The following NIPA1 variants were observed in gnomAD, a reference collection of about 807,000 sequenced individuals.
NIPA1 encodes magnesium transporter NIPA1.
A neutral mutation model predicts 23.9 loss-of-function variants in NIPA1; 13 were observed. That is an observed-to-expected ratio of 0.54 (90% CI 0.35 to 0.87). The LOEUF (loss-of-function observed/expected upper bound fraction) is 0.87. Ranked by LOEUF, NIPA1 falls within the 40% of genes least tolerant of loss-of-function variation. The probability of loss-of-function intolerance (pLI) is 0.01; values close to 1 mark genes in which losing one functional copy is unlikely to be tolerated. For missense variants in NIPA1, 362 were observed against 429.7 expected (o/e 0.84, Z 1.39); for synonymous variants, 234 against 202.9 (o/e 1.15, Z -1.30).
rs1283787868 is a variant in NIPA1, at chr15:22,798,616, A to AGACG, written c.178+11784_178+11787dup. On this transcript the variant is annotated intron_variant, in intron 1 of 4. Transcript: ENST00000337435. ...GTAATCCCAGCACCTTGGGAGGCTG[A>AGACG]GACGGGTGGATCACGAGGTCAGGAG... 6.0e-5 allele frequency among the ~76,000 whole-genome samples: 9 copies of AGACG among 149,190 alleles called. No homozygotes were observed. In the East Asian group the frequency reaches 1.9e-3, roughly 31 times the overall value.
intron 1 of NIPA1, among the ~76,000 whole-genome samples, chr15:22,787,783 G>C (rs150104096): frequency 6.6e-6 from 1 of 152,188 alleles, no homozygotes; most frequent in Admixed American, 6.5e-5. Flanking sequence ...GGTTGTGAGA[G>C]AAAGTGAACT....
intron 1 of NIPA1, among the ~76,000 whole-genome samples, chr15:22,802,724 TG>T (rs1221221577): frequency 1.3e-5 from 2 of 152,124 alleles, no homozygotes; most frequent in Non-Finnish European, 2.9e-5. Context: ...CATACCAAGG[TG>T]CCTACTCTTC....
Position 22,789,888 on chromosome 15 carries a change from A to G in NIPA1, c.178+3054A>G, listed in dbSNP as rs1462147994. 6.6e-5 allele frequency among the ~76,000 whole-genome samples: 10 copies of G among 152,050 alleles called. No individual in the cohort carries two copies. In the East Asian group the frequency reaches 1.9e-3, roughly 30 times the overall value. ...TGGCTCATTGCAGCCCCCGCCTCCT[A>G]GGCTCAAGCAATTCTCCTGTCTTAG... is the stretch of plus-strand genomic sequence containing the variant. On this transcript the variant is annotated intron_variant, in intron 1 of 4. Transcript: ENST00000337435.
At chr15:22,791,838 C>T (rs944371243) in intron 1 of NIPA1, among the ~76,000 whole-genome samples, 6 of 152,136 alleles carry the variant, frequency 3.9e-5, no homozygotes, top group African/African-American at 1.4e-4. Context: ...GTCCAGGGAG[C>T]GTCGTCTACA....
intron 1 of NIPA1, 72 bp from the exon 2 acceptor site, chr15:22,810,677 T>C (rs989012242): frequency 1.1e-6 from 1 of 895,496 alleles, no homozygotes; most frequent in South Asian, 1.3e-5. Flanking sequence ...AGTTTCTCGC[T>C]TGTAAACCTC....
rs112957070 is a variant in NIPA1 at position 22,786,945 on chromosome 15, C to G, written c.178+111C>G. The G allele has an allele frequency of 0.14, 44,568 of 310,792 alleles. 6,822 individuals carry two copies. The highest frequency in any genetic ancestry group is 0.24 in the Admixed American group (3,776 of 15,778). 19.3% of individuals were successfully genotyped at this position (310,792 alleles called of 1,614,324 possible). A position where few individuals can be genotyped will look rare whatever the true frequency, so the allele number is the denominator to read the frequency against. ...CGGGGCAGGGGACGGGGTCGGGGCC[C>G]GGGCCCAGGTTGGGGGAAGGCTGCG... On this transcript the variant is annotated intron_variant, in intron 1 of 4. Transcript: ENST00000337435.
chr15:22,802,084 CTTAACTTTTTAAATTAAAAAAA>C (rs1207957482), intron 1 of NIPA1, among the ~76,000 whole-genome samples: 2 of 152,056 alleles, frequency 1.3e-5, no homozygotes, highest in East Asian at 3.9e-4. Flanking sequence ...AACCCAGAAA[CTTAACTTTTTAAATTAAAAAAA>C]TTAAGGGTCG....
At position 22,811,666 on chromosome 15, in the gene NIPA1, C is replaced by T. The variant is rs1313249240; in HGVS notation, c.227-497C>T. ...ACATTTGTCTTTTAATACGACATTACGTGGCAATACCAATTCTGTTCCTTG... is the reference window on the plus strand; with the variant it reads ...ACATTTGTCTTTTAATACGACATTATGTGGCAATACCAATTCTGTTCCTTG... On this transcript the variant is annotated intron_variant, in intron 2 of 4. Coordinates refer to ENST00000337435, the MANE Select transcript of NIPA1 (RefSeq NM_144599.5). Among the ~76,000 whole-genome samples the T allele has an allele frequency of 5.3e-5, 8 of 152,174 alleles. No homozygotes were observed. In the East Asian group the frequency reaches 5.8e-4, roughly 11 times the overall value.
intron 3 of NIPA1, chr15:22,813,548 A>C (rs1486187356): frequency 2.3e-6 from 1 of 436,452 alleles, no homozygotes; most frequent in Non-Finnish European, 4.6e-6. Context: ...CTTTGAAGAA[A>C]TCATTAGAAA....
At chr15:22,812,684 T>C (rs116568522) in intron 3 of NIPA1, among the ~76,000 whole-genome samples, 2,013 of 152,232 alleles carry the variant, frequency 0.013, 51 homozygotes, top group African/African-American at 0.046. Flanking sequence ...TCTTCAGTAT[T>C]CTACTCTATA....
intron 3 of NIPA1, chr15:22,819,397 AGTCCTGT>A (rs1384136028): frequency 2.0e-5 from 3 of 152,214 alleles, no homozygotes; most frequent in Non-Finnish European, 4.4e-5. Flanking sequence ...GACAATGACC[AGTCCTGT>A]GACTTACTGA....
chr15:22,817,366 G>A (rs1895445979), intron 3 of NIPA1, among the ~76,000 whole-genome samples: 1 of 151,188 alleles, frequency 6.6e-6, no homozygotes, highest in Admixed American at 6.6e-5. Flanking sequence ...AAGCATGGTG[G>A]CGCATGCCTG....
chr15:22,822,932 T>TAAA (rs1895570046), intron 4 of NIPA1, among the ~76,000 whole-genome samples: 1 of 113,144 alleles, frequency 8.8e-6, no homozygotes. Flanking sequence ...TTTTTTTTTT[T>TAAA]TTTTGAGACG....
intron 4 of NIPA1, 83 bp from the exon 5 acceptor site, chr15:22,823,645 G>A (rs1044279215): frequency 6.9e-7 from 1 of 1,444,472 alleles, no homozygotes; most frequent in Non-Finnish European, 9.4e-7. Flanking sequence ...GCGGGTGGGG[G>A]CCCGGGTGCT....
chr15:22,802,873 A>G (rs1895114184), intron 1 of NIPA1, among the ~76,000 whole-genome samples: 1 of 152,120 alleles, frequency 6.6e-6, no homozygotes, highest in Non-Finnish European at 1.5e-5. Flanking sequence ...GGTATCAGCA[A>G]TATGTTCCTT....
At chr15:22,789,021 T>C (rs1476547382) in intron 1 of NIPA1, among the ~76,000 whole-genome samples, 1 of 151,814 alleles carries the variant, frequency 6.6e-6, no homozygotes, top group African/African-American at 2.4e-5. Context: ...GAGACGGAGT[T>C]TCGCTCTTGT....
chr15:22,800,658 G>A (rs1037428708), intron 1 of NIPA1, among the ~76,000 whole-genome samples: 4 of 152,060 alleles, frequency 2.6e-5, no homozygotes, highest in Non-Finnish European at 4.4e-5. Context: ...ACCGGGCATC[G>A]TGGCTCACGC....
In NIPA1 at chr15:22,786,765, G is replaced by A. The variant is rs772029587; in HGVS notation, c.109G>A (p.Val37Met). The change falls in exon 1 of 5, where the codon GTG (valine) becomes ATG (methionine). Residue 37 changes from valine to methionine, a missense_variant. Val to Met is a conservative substitution (Grantham distance 21, BLOSUM62 1). Around this residue, in one of 2 missense-constraint regions of NIPA1, gnomAD observed 85 missense variants for 57.7 expected, o/e 1.47. Transcript: ENST00000337435. ...GTCGCTCGGCCTGGGCGTGGCCGTC[G>A]TGTCGAGCCTGGTGAACGGGTCCAC... ...AVSLGLGVAV[V>M]SSLVNGSTFV... The A allele has an allele frequency of 2.8e-5, 37 of 1,318,312 alleles. No homozygotes were observed. Among genetic ancestry groups the A allele is most frequent in the Middle Eastern group, 4.2e-4 (2 of 4,766 alleles). The allele number at this position is 1,318,312 out of a possible 1,614,324, so 81.7% of individuals were successfully genotyped here.
At position 22,826,334 on chromosome 15, in the gene NIPA1, T is replaced by C. The variant is rs1426304437; in HGVS notation, c.*2095T>C. 6.6e-6 allele frequency: 1 copy of C among 152,224 alleles called. No homozygotes were observed. The highest frequency in any genetic ancestry group is 1.5e-5 in the Non-Finnish European group (1 of 68,044). The allele number at this position is 152,224 out of a possible 1,614,324, so 9.4% of individuals were successfully genotyped here. A position where few individuals can be genotyped will look rare whatever the true frequency, so the allele number is the denominator to read the frequency against. ...AACAAATGCTCAAAGTCCATTACTCTTTTTATTGGCTCTTGCAGGTTTTGT... is the reference window on the plus strand; with the variant it reads ...AACAAATGCTCAAAGTCCATTACTCCTTTTATTGGCTCTTGCAGGTTTTGT... On this transcript the variant is annotated 3_prime_UTR_variant, in exon 5 of 5. Coordinates refer to ENST00000337435, the MANE Select transcript of NIPA1 (RefSeq NM_144599.5).
Sources: gnomAD v4.1 joint callset for allele counts (sites outside exome capture counted in the v4.1 genomes callset) on GRCh38, gnomAD v4.1.1 for gene constraint, gnomAD v4.1.1 regional missense constraint, MANE v1.5 for transcripts, NCBI Gene and HGNC (gene_info 2026-07-23, HGNC 2026-07-21) for gene names.